ACOXL: variants seen among roughly 807,000 people sequenced by gnomAD.
The protein encoded by ACOXL is acyl-coenzyme A oxidase-like protein.
In ACOXL, 70 loss-of-function variants were observed where a neutral mutation model predicts 71.9. That is an observed-to-expected ratio of 0.97 (90% confidence interval 0.80 to 1.19). The LOEUF (loss-of-function observed/expected upper bound fraction) is 1.19. ACOXL is among the 50% of genes most tolerant of loss of function. ACOXL has a pLI of 0.00. For missense variants in ACOXL, 703 were observed against 736.3 expected, an observed-to-expected ratio of 0.95 and a Z score of 0.52; for synonymous variants, 253 against 281.6, an observed-to-expected ratio of 0.90 and a Z score of 1.02.
At chr2:110,848,407 A>G (rs1056292197) in intron 10 of ACOXL, among the ~76,000 whole-genome samples, 4 of 152,210 alleles carry the variant, frequency 2.6e-5, no homozygotes, top group Non-Finnish European at 5.9e-5. Flanking sequence ...CATCTTTTGG[A>G]TGGTTGCGTT....
intron 10 of ACOXL, among the ~76,000 whole-genome samples, chr2:110,879,754 G>T (rs77227657): frequency 0.019 from 2,844 of 152,122 alleles, 47 homozygotes; most frequent in Non-Finnish European, 0.027. Flanking sequence ...AGGTTCCACC[G>T]GGTTAAATAT....
At position 110,946,752 on chromosome 2, in the gene ACOXL, G is replaced by A. The variant is rs549834407; in HGVS notation, c.1059+13110G>A. Among the ~76,000 whole-genome samples, 4 of 152,264 alleles carry A rather than the reference G, an allele frequency of 2.6e-5. No homozygotes were observed. The South Asian group carries it at 6.2e-4, about 24-fold the overall frequency. On this transcript the variant is annotated intron_variant, in intron 12 of 17. Coordinates refer to ENST00000439055, the MANE Select transcript of ACOXL (RefSeq NM_001142807.4). ...TAGACATGCTTTGCTGAGCTGCCCCGTGGTTAGTGTTAGCTGGAGGGGACC... is the reference window on the plus strand; with the variant it reads ...TAGACATGCTTTGCTGAGCTGCCCCATGGTTAGTGTTAGCTGGAGGGGACC...
intron 10 of ACOXL, among the ~76,000 whole-genome samples, chr2:110,907,342 T>C (rs1035765322): frequency 3.9e-5 from 6 of 152,322 alleles, no homozygotes; most frequent in Admixed American, 3.3e-4. Context: ...AATAGTCACA[T>C]TGGTTGTTAG....
intron 10 of ACOXL, among the ~76,000 whole-genome samples, chr2:110,883,881 G>T (rs1696983271): frequency 6.6e-6 from 1 of 152,144 alleles, no homozygotes; most frequent in African/African-American, 2.4e-5. Context: ...TTAAAGAATT[G>T]CATTATTTAT....
At chr2:111,017,462 A>G (rs2064512036) in intron 14 of ACOXL, among the ~76,000 whole-genome samples, 1 of 152,258 alleles carries the variant, frequency 6.6e-6, no homozygotes, top group Admixed American at 6.5e-5. Flanking sequence ...CCAGCAGCAC[A>G]GTAGGGTGGG....
At chr2:111,008,461 A>AT (rs1558861687) in intron 14 of ACOXL, among the ~76,000 whole-genome samples, 3 of 151,862 alleles carry the variant, frequency 2.0e-5, no homozygotes, top group Admixed American at 2.0e-4. Flanking sequence ...TACCTCATTC[A>AT]TTTTTTTACA....
chr2:111,017,302 G>A (rs2064500499), intron 14 of ACOXL, among the ~76,000 whole-genome samples: 1 of 152,208 alleles, frequency 6.6e-6, no homozygotes, highest in African/African-American at 2.4e-5. Context: ...TTGAGTTCCT[G>A]CCATAGCGAG....
At chr2:110,791,292 C>T (rs1684618635) in intron 3 of ACOXL, among the ~76,000 whole-genome samples, 1 of 152,224 alleles carries the variant, frequency 6.6e-6, no homozygotes, top group Non-Finnish European at 1.5e-5. Context: ...CCTACTAAGA[C>T]ATTTAGTGAA....
At chr2:110,868,802 G>T (rs1407342079) in intron 10 of ACOXL, among the ~76,000 whole-genome samples, 1 of 152,176 alleles carries the variant, frequency 6.6e-6, no homozygotes, top group African/African-American at 2.4e-5. Flanking sequence ...TGTTGCCCAG[G>T]CTGGTCATGA....
intron 12 of ACOXL, chr2:110,968,587 T>G (rs1313640584): frequency 2.1e-6 from 2 of 930,842 alleles, no homozygotes; most frequent in African/African-American, 1.6e-5. Context: ...ATCAAGTCTA[T>G]GAAAAGAAGC....
intron 17 of ACOXL, among the ~76,000 whole-genome samples, chr2:111,103,210 A>G (rs7573181): frequency 0.14 from 20,614 of 152,172 alleles, 1,672 homozygotes; most frequent in East Asian, 0.29. Flanking sequence ...CATGAGAATC[A>G]CTTGAACCTG....
intron 9 of ACOXL, among the ~76,000 whole-genome samples, chr2:110,813,289 G>T (rs947766079): frequency 3.3e-5 from 5 of 152,178 alleles, no homozygotes; most frequent in Non-Finnish European, 5.9e-5. Context: ...GTCATCAGAG[G>T]CTACACAGGC....
chr2:110,967,100 A>AT (rs1299721130), intron 12 of ACOXL, among the ~76,000 whole-genome samples: 1 of 152,260 alleles, frequency 6.6e-6, no homozygotes. Context: ...TCTGATAAGG[A>AT]TTTTAAAGTA....
intron 10 of ACOXL, among the ~76,000 whole-genome samples, chr2:110,896,501 A>C (rs964996183): frequency 2.0e-5 from 3 of 152,176 alleles, no homozygotes; most frequent in African/African-American, 7.2e-5. Flanking sequence ...CAAATGTAAC[A>C]ATATAGGCAG....
chr2:111,099,455 A>C (rs1260898285), intron 17 of ACOXL: 1 of 152,244 alleles, frequency 6.6e-6, no homozygotes, highest in Non-Finnish European at 1.5e-5. Flanking sequence ...AGCAAATAGT[A>C]AGCTGGGGCT....
intron 13 of ACOXL, among the ~76,000 whole-genome samples, chr2:110,991,192 T>C (rs565157059): frequency 6.6e-6 from 1 of 152,350 alleles, no homozygotes; most frequent in African/African-American, 2.4e-5. Flanking sequence ...TTTATTGGTA[T>C]AAGTTTTTAT....
chr2:111,117,483 C>A, intron 17 of ACOXL, 133 bp from the exon 18 acceptor site: 1 of 923,316 alleles, frequency 1.1e-6, no homozygotes, highest in Non-Finnish European at 1.7e-6. Flanking sequence ...ACAGTTTCCA[C>A]AGGAGAATCC....
At chr2:110,875,826 G>C (rs1695829701) in intron 10 of ACOXL, among the ~76,000 whole-genome samples, 1 of 152,114 alleles carries the variant, frequency 6.6e-6, no homozygotes, top group South Asian at 2.1e-4. Context: ...TGAAGCTGTT[G>C]AAAGGCATTT....
intron 16 of ACOXL, among the ~76,000 whole-genome samples, chr2:111,064,360 T>C (rs1026485380): frequency 1.5e-5 from 2 of 136,946 alleles, no homozygotes; most frequent in Non-Finnish European, 3.0e-5. Flanking sequence ...GGCGTGAACT[T>C]GGGAGGCGGA....
Sources: gnomAD v4.1 joint callset for allele counts (sites outside exome capture counted in the v4.1 genomes callset) on GRCh38, gnomAD v4.1.1 for gene constraint, MANE v1.5 for transcripts, NCBI Gene and HGNC (gene_info 2026-07-23, HGNC 2026-07-21) for gene names.